CFAP161: variants seen among roughly 807,000 people sequenced by gnomAD.
CFAP161 encodes cilia- and flagella-associated protein 161.
In CFAP161, 25 loss-of-function variants were observed where a neutral mutation model predicts 29.0. The observed-to-expected ratio is 0.86, with a 90% CI of 0.63 to 1.20. The LOEUF (loss-of-function observed/expected upper bound fraction) is 1.20. CFAP161 is among the 50% of genes most tolerant of loss of function. The probability of loss-of-function intolerance (pLI) is 0.00; values close to 1 mark genes in which losing one functional copy is unlikely to be tolerated. For missense variants in CFAP161, 367 were observed against 371.9 expected (o/e 0.99, Z 0.11); for synonymous variants, 116 against 137.4 (o/e 0.84, Z 1.09).
chr15:81,139,820 AAAGAGTTCTTTTTGT>A (rs1439550312), intron 4 of CFAP161, among the ~76,000 whole-genome samples: 1 of 152,216 alleles, frequency 6.6e-6, no homozygotes, highest in Non-Finnish European at 1.5e-5. Context: ...TGATACATAT[AAAGAGTTCTTTTTGT>A]AATGGGGTGT....
chr15:81,119,973 G>T (rs1382587784), intron 1 of CFAP161, among the ~76,000 whole-genome samples: 1 of 151,994 alleles, frequency 6.6e-6, no homozygotes, highest in Non-Finnish European at 1.5e-5. Context: ...AGTGATAAAA[G>T]GCTCAAAAGC....
intron 1 of CFAP161, among the ~76,000 whole-genome samples, chr15:81,115,208 A>AT (rs1255432966): frequency 7.2e-5 from 11 of 152,092 alleles, no homozygotes; most frequent in African/African-American, 2.7e-4. Flanking sequence ...CTTGTCAGGG[A>AT]ATTTTTTCTT....
chr15:81,131,309 C>A (rs1358752179), upstream of CFAP161, among the ~76,000 whole-genome samples: 2 of 151,834 alleles, frequency 1.3e-5, no homozygotes, highest in African/African-American at 4.8e-5. Context: ...AACAAACAAA[C>A]AAAAAAGTCA....
chr15:81,104,681 G>A (rs78783629), intron 1 of CFAP161, among the ~76,000 whole-genome samples: 3,507 of 152,248 alleles, frequency 0.023, 140 homozygotes, highest in African/African-American at 0.08. Context: ...ATTCCAATCT[G>A]AAAGTGTGGA....
chr15:81,138,166 A>T, intron 4 of CFAP161, 31 bp downstream of exon 4: 1 of 1,548,256 alleles, frequency 6.5e-7, no homozygotes, highest in Non-Finnish European at 8.9e-7. Context: ...TCTACTTTGG[A>T]TCAGTCATTT....
At chr15:81,102,048 G>A (rs1894310213) in intron 1 of CFAP161, among the ~76,000 whole-genome samples, 1 of 152,178 alleles carries the variant, frequency 6.6e-6, no homozygotes, top group Non-Finnish European at 1.5e-5. Flanking sequence ...GCATTTAGTT[G>A]TTATTGAATT....
At chr15:81,133,221 A>T (rs12708530), upstream of CFAP161, among the ~76,000 whole-genome samples, 113 of 32,458 alleles carry the variant, frequency 3.5e-3, no homozygotes, top group African/African-American at 0.011. Context: ...ATATATATAT[A>T]TATGTATTTT....
At chr15:81,137,076 T>C (rs1277580953) in intron 3 of CFAP161, among the ~76,000 whole-genome samples, 1 of 146,938 alleles carries the variant, frequency 6.8e-6, no homozygotes, top group East Asian at 1.9e-4. Context: ...TTGAGTGTTT[T>C]CATTGTTCTT....
chr15:81,100,857 C>T (rs1894296296), intron 1 of CFAP161, among the ~76,000 whole-genome samples: 1 of 152,078 alleles, frequency 6.6e-6, no homozygotes, highest in African/African-American at 2.4e-5. Flanking sequence ...GTCTTTGTGT[C>T]ATCCTTTGGT....
chr15:81,101,238 A>AGGT (rs1451589797), intron 1 of CFAP161, among the ~76,000 whole-genome samples: 1 of 152,042 alleles, frequency 6.6e-6, no homozygotes. Context: ...TGTTAAATAA[A>AGGT]GGTGGTGGTG....
intron 1 of CFAP161, among the ~76,000 whole-genome samples, chr15:81,120,513 A>G (rs1449213135): frequency 6.6e-6 from 1 of 152,228 alleles, no homozygotes; most frequent in East Asian, 1.9e-4. Flanking sequence ...CCCACCTGTA[A>G]TCCCAGAATT....
upstream of CFAP161, among the ~76,000 whole-genome samples, chr15:81,132,108 C>T (rs1894719532): frequency 6.6e-6 from 1 of 152,136 alleles, no homozygotes; most frequent in Non-Finnish European, 1.5e-5. Flanking sequence ...AAAACCCCAT[C>T]TCTACTAAAA....
At chr15:81,132,691 CA>C (rs1420428907), upstream of CFAP161, among the ~76,000 whole-genome samples, 1 of 152,118 alleles carries the variant, frequency 6.6e-6, no homozygotes. Context: ...CTGAATGACC[CA>C]ATCATTAGAA....
chr15:81,144,008 G>T (rs915537236), intron 5 of CFAP161, among the ~76,000 whole-genome samples, 188 bp downstream of exon 5: 6 of 150,742 alleles, frequency 4.0e-5, no homozygotes, highest in African/African-American at 7.3e-5. Flanking sequence ...TTTCTTTTCT[G>T]TCTCTTTTTT....
chr15:81,141,378 A>G (rs1290543034), intron 4 of CFAP161, among the ~76,000 whole-genome samples: 1 of 152,226 alleles, frequency 6.6e-6, no homozygotes, highest in Non-Finnish European at 1.5e-5. Flanking sequence ...TAAAAATATA[A>G]GAAGGCTATT....
At chr15:81,126,353 T>A (rs1894641930) in intron 1 of CFAP161, among the ~76,000 whole-genome samples, 1 of 152,208 alleles carries the variant, frequency 6.6e-6, no homozygotes, top group Non-Finnish European at 1.5e-5. Context: ...CTTATTTTTT[T>A]TTAGCTTCAA....
At chr15:81,141,928 C>T (rs1439196453) in intron 4 of CFAP161, among the ~76,000 whole-genome samples, 2 of 152,196 alleles carry the variant, frequency 1.3e-5, no homozygotes, top group African/African-American at 4.8e-5. Flanking sequence ...AAGTGATCCT[C>T]CTGCCTGAGT....
intron 2 of CFAP161, among the ~76,000 whole-genome samples, chr15:81,136,017 T>C (rs1471462449): frequency 6.6e-6 from 1 of 152,220 alleles, no homozygotes; most frequent in African/African-American, 2.4e-5. Flanking sequence ...AGACATTGTT[T>C]TCAAAATTCT....
exon 2 of CFAP161, chr15:81,127,646 G>C (rs1894657971): frequency 3.3e-5 from 1 of 30,256 alleles, no homozygotes; most frequent in African/African-American, 8.0e-5. Flanking sequence ...ACCAAAAGAA[G>C]AGGAGGGGCT....
Sources: gnomAD v4.1 joint callset for allele counts (sites outside exome capture counted in the v4.1 genomes callset) on GRCh38, gnomAD v4.1.1 for gene constraint, MANE v1.5 for transcripts, NCBI Gene and HGNC (gene_info 2026-07-23, HGNC 2026-07-21) for gene names.